The following EMILIN2 variants were observed in gnomAD, a reference collection of about 807,000 sequenced individuals.
EMILIN2 encodes the protein EMILIN-2.
Under a neutral mutation model 87.1 loss-of-function variants are expected in EMILIN2, and 71 were observed. The ratio of observed to expected loss-of-function variants is 0.82; its 90% CI spans 0.67 to 0.99. The LOEUF is 0.99. Among genes scored for constraint, EMILIN2 ranks in the 50% least tolerant of loss-of-function variants. The pLI is 0.00. For missense variants in EMILIN2, 1,407 were observed against 1,371.8 expected, an observed-to-expected ratio of 1.03 and a Z score of -0.40; for synonymous variants, 581 against 563.4, an observed-to-expected ratio of 1.03 and a Z score of -0.44.
intron 2 of EMILIN2, among the ~76,000 whole-genome samples, chr18:2,882,788 C>T (rs2076783243): frequency 6.6e-6 from 1 of 151,856 alleles, no homozygotes; most frequent in Non-Finnish European, 1.5e-5. Flanking sequence ...GAGGCTGAGG[C>T]AGGCGAATCG....
chr18:2,896,124 C>CAT (rs145208259), intron 4 of EMILIN2, among the ~76,000 whole-genome samples: 27 of 150,590 alleles, frequency 1.8e-4, no homozygotes, highest in East Asian at 3.9e-4. Flanking sequence ...CTGTTAAGGG[C>CAT]ATATATATAT....
chr18:2,847,173 G>C lies in EMILIN2; in HGVS notation c.-16G>C, dbSNP rs1181748744. 2 of 1,098,948 alleles carry C rather than the reference G, an allele frequency of 1.8e-6. No homozygotes were observed. The highest frequency in any genetic ancestry group is 1.7e-5 in the African/African-American group (1 of 59,498). 68.1% of individuals were successfully genotyped at this position (1,098,948 alleles called of 1,614,324 possible). A position where few individuals can be genotyped will look rare whatever the true frequency, so the allele number is the denominator to read the frequency against. On this transcript the variant is annotated 5_prime_UTR_variant, in exon 1 of 8. Coordinates refer to ENST00000254528, the MANE Select transcript of EMILIN2 (RefSeq NM_032048.3). The surrounding 1 kb of genome is among the most constrained non-coding windows in gnomAD (Gnocchi z 4.5). ...CTCCGGACCCGGGCAGGCGGGGCGC[G>C]CCCGCTGCGCGCGGGATGTGGCAGC...
At chr18:2,882,883 C>A (rs1269814069) in intron 2 of EMILIN2, among the ~76,000 whole-genome samples, 2 of 146,668 alleles carry the variant, frequency 1.4e-5, no homozygotes, top group Non-Finnish European at 1.5e-5. Flanking sequence ...AACATCATCT[C>A]AAAAAAAAAA....
upstream of EMILIN2, chr18:2,846,664 G>A (rs2076575008): frequency 9.7e-6 from 7 of 719,754 alleles, no homozygotes; most frequent in South Asian, 2.5e-4. The surrounding 1 kb of genome is among the most constrained non-coding windows in gnomAD (Gnocchi z 5.3). Flanking sequence ...CGGGAGGCTG[G>A]CACCCAGGCA....
intron 2 of EMILIN2, among the ~76,000 whole-genome samples, chr18:2,869,579 A>C (rs2076708443): frequency 6.6e-6 from 1 of 152,010 alleles, no homozygotes; most frequent in Admixed American, 6.6e-5. Context: ...AGATTCATTC[A>C]TGTTGTAGTA....
intron 2 of EMILIN2, among the ~76,000 whole-genome samples, chr18:2,855,190 A>G (rs2076620934): frequency 6.6e-6 from 1 of 152,188 alleles, no homozygotes; most frequent in Non-Finnish European, 1.5e-5. Context: ...GCTGCTCCCT[A>G]GAATCTCCAG....
chr18:2,912,958 G>A (rs1460790910), intron 7 of EMILIN2, 109 bp from the exon 8 acceptor site: 2 of 1,147,524 alleles, frequency 1.7e-6, no homozygotes, highest in East Asian at 2.5e-5. Flanking sequence ...TGGGAAGACA[G>A]AGATGGCTGG....
At chr18:2,893,702 C>T (rs940770764) in intron 4 of EMILIN2, among the ~76,000 whole-genome samples, 11 of 152,128 alleles carry the variant, frequency 7.2e-5, no homozygotes, top group East Asian at 1.9e-4. Context: ...AGGGAGCTCG[C>T]GTTTTTGAAC....
intron 2 of EMILIN2, among the ~76,000 whole-genome samples, chr18:2,854,011 C>A (rs1045679604): frequency 2.6e-5 from 4 of 152,188 alleles, no homozygotes; most frequent in Admixed American, 6.5e-5. Flanking sequence ...GTATTGGGGG[C>A]TTTGGGAGGT....
In EMILIN2 at chr18:2,848,288, G is replaced by A. The variant is rs544661297; in HGVS notation, c.257+357G>A. On this transcript the variant is annotated intron_variant, in intron 2 of 7. Transcript: ENST00000254528. The surrounding 1 kb of genome is among the most constrained non-coding windows in gnomAD (Gnocchi z 4.1). Reference sequence around the variant, plus strand: ...TTGGATCCATATTGTGTGTTCTGGGGCACACAGAAGATTCCAAAATGTATA... The same window carrying A: ...TTGGATCCATATTGTGTGTTCTGGGACACACAGAAGATTCCAAAATGTATA... Among the ~76,000 whole-genome samples the A allele has an allele frequency of 6.6e-6, 1 of 152,166 alleles. No homozygotes were observed. Among genetic ancestry groups the A allele is most frequent in the Non-Finnish European group, 1.5e-5 (1 of 68,032 alleles).
chr18:2,910,871 G>A (rs1349264434), intron 7 of EMILIN2, among the ~76,000 whole-genome samples: 1 of 152,224 alleles, frequency 6.6e-6, no homozygotes, highest in Non-Finnish European at 1.5e-5. Flanking sequence ...CAGTGCCCCA[G>A]GCTGATTAAG....
At chr18:2,864,856 A>G (rs1260677260) in intron 2 of EMILIN2, among the ~76,000 whole-genome samples, 3 of 152,260 alleles carry the variant, frequency 2.0e-5, no homozygotes, top group African/African-American at 4.8e-5. Context: ...AGGTACACCA[A>G]TCAGACGTAG....
intron 2 of EMILIN2, among the ~76,000 whole-genome samples, chr18:2,877,125 T>C (rs1000674941): frequency 1.3e-5 from 2 of 152,206 alleles, no homozygotes; most frequent in African/African-American, 4.8e-5. Context: ...AATGTTTGCA[T>C]TGGAAGGGAT....
chr18:2,872,097 T>C (rs1039328179), intron 2 of EMILIN2, among the ~76,000 whole-genome samples: 1 of 152,182 alleles, frequency 6.6e-6, no homozygotes, highest in African/African-American at 2.4e-5. Context: ...GAGATAAGTT[T>C]ATTGTTCATA....
At chr18:2,884,823 A>C in intron 2 of EMILIN2, 141 bp from the exon 3 acceptor site, 1 of 805,720 alleles carries the variant, frequency 1.2e-6, no homozygotes, top group Non-Finnish European at 1.8e-6. Flanking sequence ...ATCTGGACTG[A>C]GGAGACCAAC....
intron 2 of EMILIN2, among the ~76,000 whole-genome samples, chr18:2,855,176 TG>T (rs2076620895): frequency 6.6e-6 from 1 of 152,230 alleles, no homozygotes; most frequent in South Asian, 2.1e-4. Flanking sequence ...ATGGGCCCCT[TG>T]GGGCTGCTCC....
intron 5 of EMILIN2, among the ~76,000 whole-genome samples, chr18:2,908,595 A>C (rs1015790923): frequency 2.6e-5 from 4 of 152,246 alleles, no homozygotes; most frequent in African/African-American, 9.6e-5. Flanking sequence ...TCTTGAACAG[A>C]TAACACTGCT....
chr18:2,857,040 C>G (rs1392227301), intron 2 of EMILIN2, among the ~76,000 whole-genome samples: 1 of 152,158 alleles, frequency 6.6e-6, no homozygotes, highest in Non-Finnish European at 1.5e-5. Context: ...GCTGTAAAAG[C>G]AAACGTTTCT....
Position 2,847,376 on chromosome 18 carries a change from A to G in EMILIN2, c.134+54A>G. 2 of 1,250,998 alleles carry G rather than the reference A, an allele frequency of 1.6e-6. No individual in the cohort carries two copies. Among genetic ancestry groups the G allele is most frequent in the Non-Finnish European group, 2.0e-6 (2 of 994,438 alleles). 77.5% of individuals were successfully genotyped at this position (1,250,998 alleles called of 1,614,324 possible). On this transcript the variant is annotated intron_variant, in intron 1 of 7. Coordinates refer to ENST00000254528, the MANE Select transcript of EMILIN2 (RefSeq NM_032048.3). This position sits in a 1 kb window ranked among gnomAD's most constrained non-coding sequence, Gnocchi z 4.5. ...AACCGCCTACCCCTCCCCGGCCCCC[A>G]GTTGAGCCCCAGAGCTGCCCTGCCA...
Sources: gnomAD v4.1 joint callset for allele counts (sites outside exome capture counted in the v4.1 genomes callset) on GRCh38, gnomAD v4.1.1 for gene constraint, Gnocchi (gnomAD v3.1) non-coding constraint, MANE v1.5 for transcripts, NCBI Gene and HGNC (gene_info 2026-07-23, HGNC 2026-07-21) for gene names.